GALC: variants seen among roughly 807,000 people sequenced by gnomAD.
GALC encodes galactocerebrosidase.
In GALC, 77 loss-of-function variants were observed where a neutral mutation model predicts 91.8. That is an observed-to-expected ratio of 0.84 (90% CI 0.70 to 1.01). The LOEUF (loss-of-function observed/expected upper bound fraction) is 1.01. Ranked by LOEUF, GALC falls within the 50% of genes least tolerant of loss-of-function variation. The pLI, the probability that GALC is intolerant of heterozygous loss-of-function variation, is 0.00. For missense variants in GALC, 882 were observed against 855.9 expected (o/e 1.03, Z -0.38); for synonymous variants, 357 against 306.7 (o/e 1.16, Z -1.71).
In GALC at chr14:87,993,119, C is replaced by T; in HGVS notation, c.46G>A (p.Ala16Thr). Residue 16 changes from alanine to threonine, a missense_variant, in exon 1 of 17, where the codon GCT becomes ACT. By Grantham distance (58) the Ala-to-Thr change is moderately conservative. Transcript: ENST00000261304. ...GCCGAACCCGCGGCCGCAGTCATAG[C>T]TTTCGCTCGGCGTTGCCAGGAAGCC... ...LSASWQRRAK[A>T]MTAAAGSAGR... The T allele has an allele frequency of 1.3e-6, 2 of 1,588,626 alleles. No individual in the cohort carries two copies. The highest frequency in any genetic ancestry group is 1.1e-5 in the South Asian group (1 of 87,800).
chr14:87,977,804 T>C (rs996560327), intron 6 of GALC, among the ~76,000 whole-genome samples: 3 of 152,202 alleles, frequency 2.0e-5, no homozygotes, highest in Non-Finnish European at 4.4e-5. Context: ...ATTAAATCCA[T>C]GGTATACTTT....
Position 87,983,721 on chromosome 14 carries a change from C to T in GALC, c.582+673G>A, listed in dbSNP as rs1039973695. ...TACGATGCAGCCTGGGGCATGCCTC[C>T]ACCCAGCCAAGAGACAAGCTGGACA... On this transcript the variant is annotated intron_variant, in intron 5 of 16. Transcript: ENST00000261304. Among the ~76,000 whole-genome samples the T allele has an allele frequency of 7.2e-5, 11 of 152,300 alleles. No individual in the cohort carries two copies. In the South Asian group the frequency reaches 1.9e-3, roughly 26 times the overall value.
At chr14:87,960,423 T>A (rs967108945) in intron 10 of GALC, among the ~76,000 whole-genome samples, 1 of 152,218 alleles carries the variant, frequency 6.6e-6, no homozygotes, top group Non-Finnish European at 1.5e-5. Flanking sequence ...AATGCTTTCA[T>A]CACAAAGGAA....
intron 7 of GALC, 51 bp from the exon 8 acceptor site, chr14:87,968,541 T>A: frequency 6.5e-7 from 1 of 1,536,282 alleles, no homozygotes; most frequent in South Asian, 1.1e-5. Flanking sequence ...GACGTGGCAC[T>A]TATATACGTA....
chr14:87,950,661 A>C lies in GALC; in HGVS notation c.1249T>G (p.Phe417Val), dbSNP rs753747900. Residue 417 changes from phenylalanine to valine, a missense_variant and splice_region_variant, in exon 11 of 17, where the codon TTT (phenylalanine) becomes GTT (valine). Phe to Val is a conservative substitution (Grantham distance 50, BLOSUM62 -1). Transcript: ENST00000261304. Reference sequence around the variant, plus strand: ...TAAAGTTAAACATATTTACTTACAAAAGATCCCTTAAGAACAAAGGTGGCA... The same window carrying C: ...TAAAGTTAAACATATTTACTTACAACAGATCCCTTAAGAACAAAGGTGGCA... Reference protein sequence around the residue: ...QFATFVLKGSFSEIPELQVWY... With the variant: ...QFATFVLKGSVSEIPELQVWY... 28 of 1,565,998 alleles carry C rather than the reference A, an allele frequency of 1.8e-5. No individual in the cohort carries two copies. Among genetic ancestry groups the C allele is most frequent in the South Asian group, 7.8e-5 (7 of 89,864 alleles).
chr14:87,950,191 G>A (rs185138472), intron 11 of GALC, among the ~76,000 whole-genome samples: 1 of 152,032 alleles, frequency 6.6e-6, no homozygotes, highest in East Asian at 1.9e-4. Context: ...ATTCATTACT[G>A]TACCTGTGTA....
chr14:87,971,199 TC>T (rs1263347056), intron 7 of GALC, among the ~76,000 whole-genome samples: 2 of 151,930 alleles, frequency 1.3e-5, no homozygotes, highest in Non-Finnish European at 2.9e-5. Flanking sequence ...ACAGGGACTC[TC>T]CCCAGGAGCC....
chr14:87,953,140 T>TAGATA (rs1272975704), intron 10 of GALC: 5 of 1,480,248 alleles, frequency 3.4e-6, no homozygotes, highest in African/African-American at 1.4e-5. Flanking sequence ...TTGAACACAG[T>TAGATA]AGATAAGCCA....
rs2139961496 is a variant in GALC at position 87,949,878 on chromosome 14, T to C, written c.1305A>G (p.Glu435=). 6.3e-7 allele frequency: 1 copy of C among 1,598,768 alleles called. No individual in the cohort carries two copies. The highest frequency in any genetic ancestry group is 8.6e-7 in the Non-Finnish European group (1 of 1,166,874). ...AATCCAGCTGCTTAAAAAGAAATCT[T>C]TCGGATGTTTTTCCAAGTTTGGTAT... The part of the protein sequence containing the change: ...VWYTKLGKTS[E]RFLFKQLDSL... The change falls in exon 12 of 17, where the codon GAA becomes GAG. Residue 435 remains glutamate, a synonymous_variant. Transcript: ENST00000261304.
Position 87,953,209 on chromosome 14 carries a change from AC to A in GALC, c.1162-2462del, listed in dbSNP as rs367772092. ...CTCAGACCTTAAAATGTCAACTGAT[AC>A]GGAATTTCTCTGTATAATTACCTCC... is the stretch of plus-strand genomic sequence containing the variant. On this transcript the variant is annotated intron_variant, in intron 10 of 16. Transcript: ENST00000261304. The A allele has an allele frequency of 5.1e-4, 766 of 1,501,782 alleles. 8 individuals are homozygous for A. In the African/African-American group the frequency reaches 9.3e-3, roughly 18 times the overall value. 93.0% of individuals were successfully genotyped at this position (1,501,782 alleles called of 1,614,324 possible).
At position 87,984,517 on chromosome 14, in the gene GALC, G is replaced by C. The variant is rs774472326; in HGVS notation, c.459C>G (p.Phe153Leu). ...CGAAACCTTTTCCCAGCCATCCAGG[G>C]AATGACCATGGCAACCCTGCAGAGA... The part of the protein sequence containing the change: ...NITLIGLPWS[F>L]PGWLGKGFDW... The change falls in exon 5 of 17, where the codon TTC becomes TTG. Residue 153 changes from phenylalanine to leucine, a missense_variant. Physicochemically the swap from Phe to Leu is conservative, Grantham distance 22. Coordinates refer to ENST00000261304, the MANE Select transcript of GALC (RefSeq NM_000153.4). The C allele has an allele frequency of 6.2e-7, 1 of 1,614,128 alleles. No homozygotes were observed. Among genetic ancestry groups the C allele is most frequent in the Non-Finnish European group, 8.5e-7 (1 of 1,180,004 alleles).
rs2139951434 is a variant in GALC, at chr14:87,945,646, T to C, written c.1577A>G (p.His526Arg). 2 of 1,610,688 alleles carry C rather than the reference T, an allele frequency of 1.2e-6. No individual in the cohort carries two copies. Among genetic ancestry groups the C allele is most frequent in the East Asian group, 2.2e-5 (1 of 44,814 alleles). The change falls in exon 14 of 17, where the codon CAT becomes CGT. Residue 526 changes from histidine to arginine, a missense_variant. Transcript: ENST00000261304. ...YFTNIEDPGE[H>R]HFTLRQVLNQ... ...GAGAACTTGGCGTAGCGTGAAGTGA[T>C]GCTCGCCAGGGTCTTCAATATTTGT... is the stretch of plus-strand genomic sequence containing the variant.
intron 6 of GALC, among the ~76,000 whole-genome samples, chr14:87,978,356 T>C (rs78799329): frequency 0.11 from 17,180 of 152,188 alleles, 1,132 homozygotes; most frequent in Non-Finnish European, 0.16. Context: ...GGCCTCTTTA[T>C]TCTTACAGAG....
chr14:87,949,411 A>ATCTGCATTTTTGACATTTCAC (rs1477538465), intron 12 of GALC, among the ~76,000 whole-genome samples: 1 of 151,974 alleles, frequency 6.6e-6, no homozygotes, highest in Non-Finnish European at 1.5e-5. Flanking sequence ...CAAAAATCAG[A>ATCTGCATTTTTGACATTTCAC]TCTGCATTTT....
chr14:87,963,507 A>G lies in GALC; in HGVS notation c.1038T>C (p.His346=), dbSNP rs1885899215. Residue 346 remains histidine (H), a synonymous_variant, in exon 10 of 17, where the codon CAT becomes CAC. Transcript: ENST00000261304. ...VVESPVWVSA[H]TTQFTQPGWY... Reference sequence around the variant, plus strand: ...AGCCAGGTTGAGTAAACTGAGTGGTATGAGCTATAGAAAAACAGAAAGTTC... The same window carrying G: ...AGCCAGGTTGAGTAAACTGAGTGGTGTGAGCTATAGAAAAACAGAAAGTTC... 1 of 1,612,348 alleles carries G rather than the reference A, an allele frequency of 6.2e-7. No individual in the cohort carries two copies.
chr14:87,992,873 G>A (rs1272505334), intron 1 of GALC, 97 bp downstream of exon 1: 18 of 1,406,286 alleles, frequency 1.3e-5, no homozygotes, highest in African/African-American at 1.2e-4. Flanking sequence ...GAGTGGAGCC[G>A]GTGGAAACGC....
intron 16 of GALC, among the ~76,000 whole-genome samples, chr14:87,937,560 C>A (rs996165740): frequency 2.6e-5 from 4 of 151,666 alleles, no homozygotes; most frequent in Non-Finnish European, 5.9e-5. Flanking sequence ...AAGACAAGAG[C>A]CAATTTTTAA....
upstream of GALC, chr14:87,993,542 C>T: frequency 7.2e-7 from 1 of 1,395,664 alleles, no homozygotes; most frequent in Non-Finnish European, 9.8e-7. Context: ...GCTTGGACAC[C>T]AGGTCCCGAT....
Position 87,934,165 on chromosome 14 carries a change from C to G in GALC, c.*567G>C. The G allele has an allele frequency of 1.4e-6, 2 of 1,404,486 alleles. No individual in the cohort carries two copies. The highest frequency in any genetic ancestry group is 1.8e-6 in the Non-Finnish European group (2 of 1,082,932). 87.0% of individuals were successfully genotyped at this position (1,404,486 alleles called of 1,614,324 possible). On this transcript the variant is annotated 3_prime_UTR_variant, in exon 17 of 17. Coordinates refer to ENST00000261304, the MANE Select transcript of GALC (RefSeq NM_000153.4). Reference sequence around the variant, plus strand: ...GCATTTTTAAAATCATCCCACTCATCATATCCTGCATTTCAAAAGTATCAT... The same window carrying G: ...GCATTTTTAAAATCATCCCACTCATGATATCCTGCATTTCAAAAGTATCAT...
Sources: gnomAD v4.1 joint callset for allele counts (sites outside exome capture counted in the v4.1 genomes callset) on GRCh38, gnomAD v4.1.1 for gene constraint, MANE v1.5 for transcripts, NCBI Gene and HGNC (gene_info 2026-07-23, HGNC 2026-07-21) for gene names.